Variants in CD38 observed in about 807,000 individuals in gnomAD.
CD38 encodes the protein ADP-ribosyl cyclase/cyclic ADP-ribose hydrolase 1.
A neutral mutation model predicts 36.3 loss-of-function variants in CD38; 31 were observed. The ratio of observed to expected loss-of-function variants is 0.85; its 90% confidence interval spans 0.64 to 1.15. CD38 has a LOEUF of 1.15. CD38 is among the 50% of genes most tolerant of loss of function. CD38 has a pLI of 0.00. For synonymous variants in CD38, 131 were observed against 135.2 expected, an observed-to-expected ratio of 0.97 and a Z score of 0.22; for missense variants, 380 against 371.9, an observed-to-expected ratio of 1.02 and a Z score of -0.18.
At chr4:15,839,883 G>A (rs969813441) in intron 5 of CD38, 143 bp from the exon 6 acceptor site, 18 of 691,410 alleles carry the variant, frequency 2.6e-5, no homozygotes, top group Non-Finnish European at 4.5e-5. Context: ...ATAAGAAAAG[G>A]TTATTGACTG....
rs1724110871 is a variant in CD38 at position 15,838,140 on chromosome 4, C to T, written c.634C>T (p.Arg212Cys). Residue 212 changes from arginine (R) to cysteine (C), a missense_variant, in exon 5 of 8, where the codon CGC becomes TGC. Transcript: ENST00000226279. ...DVVHVMLNGS[R>C]SKIFDKNSTF... ...GGTCCATGTGATGCTCAATGGATCC[C>T]GCAGTAAAATCTTTGACAAAAACAG... 9 of 1,613,542 alleles carry T rather than the reference C, an allele frequency of 5.6e-6. No individual in the cohort carries two copies. The highest frequency in any genetic ancestry group is 1.3e-5 in the African/African-American group (1 of 74,960).
intron 3 of CD38, among the ~76,000 whole-genome samples, chr4:15,827,111 C>T (rs1723867339): frequency 6.6e-6 from 1 of 152,154 alleles, no homozygotes; most frequent in South Asian, 2.1e-4. Flanking sequence ...CCCATGAGGT[C>T]ATATGGTGAT....
intron 1 of CD38, among the ~76,000 whole-genome samples, chr4:15,802,245 C>A (rs1426372148): frequency 2.6e-5 from 4 of 151,988 alleles, no homozygotes; most frequent in African/African-American, 9.7e-5. Flanking sequence ...GGTGAAAGAT[C>A]TCTAGAATAA....
intron 1 of CD38, among the ~76,000 whole-genome samples, chr4:15,797,321 T>C (rs1723122766): frequency 6.6e-6 from 1 of 152,246 alleles, no homozygotes; most frequent in African/African-American, 2.4e-5. Context: ...AAGTGCTATA[T>C]AGTATCCTAT....
At position 15,778,869 on chromosome 4, in the gene CD38, G is replaced by GT. The variant is rs908730174; in HGVS notation, c.233+222_233+223insT. 6.6e-6 allele frequency among the ~76,000 whole-genome samples: 1 copy of GT among 152,034 alleles called. No homozygotes were observed. The highest frequency in any genetic ancestry group is 1.5e-5 in the Non-Finnish European group (1 of 67,962). On this transcript the variant is annotated intron_variant, in intron 1 of 7. Transcript: ENST00000226279. The surrounding 1 kb of genome is among the most constrained non-coding windows in gnomAD (Gnocchi z 4.9). The stretch of plus-strand genomic sequence containing the variant: ...GAGCGTGCCCGCGGGAGGCGGGGGG[G>GT]GGCGCTGCTCGGTGGCTCTGCTGCG...
Position 15,848,557 on chromosome 4 carries a change from G to A in CD38, c.858G>A (p.Gln286=), listed in dbSNP as rs143122874. The A allele has an allele frequency of 4.6e-4, 749 of 1,613,696 alleles. 1 individual carries two copies. The highest frequency in any genetic ancestry group is 6.6e-4 in the Middle Eastern group (4 of 6,060). ...KNIYRPDKFL[Q]CVKNPEDSSC... ...GTCATAGACCTGACAAGTTTCTTCA[G>A]TGTGTGAAAAATCCTGAGGATTCAT... Residue 286 remains glutamine (Q), a synonymous_variant, in exon 8 of 8, where the codon CAG becomes CAA. Transcript: ENST00000226279.
At chr4:15,847,537 TAC>T (rs902614184) in intron 7 of CD38, among the ~76,000 whole-genome samples, 1 of 110,322 alleles carries the variant, frequency 9.1e-6, no homozygotes, top group African/African-American at 3.9e-5. Flanking sequence ...TGTGCACATG[TAC>T]CCTAAAACTT....
chr4:15,799,005 T>G (rs1415633395), intron 1 of CD38, among the ~76,000 whole-genome samples: 1 of 152,192 alleles, frequency 6.6e-6, no homozygotes, highest in Non-Finnish European at 1.5e-5. Context: ...ATCACGTCCC[T>G]TATTTACTAA....
chr4:15,840,321 C>T lies in CD38; in HGVS notation c.753-131C>T, dbSNP rs2148928655. 3 of 735,492 alleles carry T rather than the reference C, an allele frequency of 4.1e-6. 1 individual carries two copies. Among genetic ancestry groups the T allele is most frequent in the African/African-American group, 1.8e-5 (1 of 56,834 alleles). 45.6% of individuals were successfully genotyped at this position (735,492 alleles called of 1,614,324 possible). ...TTCAGCTCTCCTGCTGACCCAGGAG[C>T]TCTTAGAGGATTTACCTCTACTTTA... On this transcript the variant is annotated intron_variant, in intron 6 of 7. Transcript: ENST00000226279.
chr4:15,806,709 T>C (rs1723349514), intron 1 of CD38, among the ~76,000 whole-genome samples: 1 of 151,894 alleles, frequency 6.6e-6, no homozygotes, highest in Non-Finnish European at 1.5e-5. Flanking sequence ...GAGTGAGAGG[T>C]CTGGGATCTA....
At chr4:15,798,700 T>C (rs1723152175) in intron 1 of CD38, among the ~76,000 whole-genome samples, 1 of 152,242 alleles carries the variant, frequency 6.6e-6, no homozygotes, top group Non-Finnish European at 1.5e-5. Flanking sequence ...TTTCACAAAA[T>C]TGGTGTAAAG....
chr4:15,825,042 G>A, intron 3 of CD38, 26 bp downstream of exon 3: 1 of 1,583,598 alleles, frequency 6.3e-7, no homozygotes, highest in Non-Finnish European at 8.6e-7. Flanking sequence ...CTGTGGGATT[G>A]CCCAGGGATG....
intron 1 of CD38, among the ~76,000 whole-genome samples, chr4:15,786,833 G>C (rs563417161): frequency 7.8e-4 from 119 of 152,294 alleles, no homozygotes; most frequent in South Asian, 2.1e-4. Context: ...CAGGGAGGGT[G>C]GGGGGAGGCT....
At chr4:15,790,777 C>T (rs1232460305) in intron 1 of CD38, among the ~76,000 whole-genome samples, 3 of 150,538 alleles carry the variant, frequency 2.0e-5, no homozygotes, top group African/African-American at 7.4e-5. Flanking sequence ...TGAGGAGCGT[C>T]TCTGCCCGGC....
chr4:15,794,358 C>G (rs73226560), intron 1 of CD38, among the ~76,000 whole-genome samples: 9,692 of 152,210 alleles, frequency 0.064, 336 homozygotes, highest in Non-Finnish European at 0.065. Flanking sequence ...ATAAGGGAGA[C>G]TACTGTTTTA....
intron 1 of CD38, among the ~76,000 whole-genome samples, chr4:15,783,978 G>A (rs1722754112): frequency 6.6e-6 from 1 of 152,222 alleles, no homozygotes. Flanking sequence ...AGACATGGGA[G>A]ATTCACAAAT....
chr4:15,790,749 G>A (rs1174902443), intron 1 of CD38, among the ~76,000 whole-genome samples: 10 of 151,028 alleles, frequency 6.6e-5, no homozygotes, highest in Admixed American at 2.0e-4. Flanking sequence ...CTTCCCCGCC[G>A]CCATCCCATC....
chr4:15,793,260 T>G (rs1339213781), intron 1 of CD38, among the ~76,000 whole-genome samples: 1 of 151,904 alleles, frequency 6.6e-6, no homozygotes, highest in East Asian at 1.9e-4. Context: ...ACTTTCTGAT[T>G]TTTTTAGTAT....
chr4:15,816,386 TA>T, intron 1 of CD38, 124 bp from the exon 2 acceptor site: 1 of 713,972 alleles, frequency 1.4e-6, no homozygotes, highest in Non-Finnish European at 2.3e-6. Flanking sequence ...TTAGACGAGA[TA>T]ATATGTATGA....
Sources: allele counts gnomAD v4.1 joint callset (sites outside exome capture counted in the v4.1 genomes callset), GRCh38; gene constraint gnomAD v4.1.1; non-coding constraint Gnocchi (gnomAD v3.1); transcripts MANE v1.5; gene names NCBI Gene and HGNC (gene_info 2026-07-23, HGNC 2026-07-21).